ABCA4: variants seen among roughly 807,000 people sequenced by gnomAD.
The protein encoded by ABCA4 is ATP binding cassette subfamily A member 4.
A neutral mutation model predicts 263.7 loss-of-function variants in ABCA4; 196 were observed. The observed-to-expected ratio is 0.74, with a 90% CI of 0.66 to 0.84. The LOEUF (loss-of-function observed/expected upper bound fraction) is 0.84, where lower values mean the gene tolerates loss of function less well. Among genes scored for constraint, ABCA4 ranks in the 40% least tolerant of loss-of-function variants. ABCA4 has a pLI of 0.00. For synonymous variants in ABCA4, 1,133 were observed against 1,094.2 expected (o/e 1.04, Z -0.70); for missense variants, 2,792 against 2,855.1 (o/e 0.98, Z 0.50).
intron 4 of ABCA4, among the ~76,000 whole-genome samples, chr1:94,107,836 A>G (rs1557807988): frequency 6.6e-6 from 1 of 151,918 alleles, no homozygotes; most frequent in Non-Finnish European, 1.5e-5. Flanking sequence ...TAACCTTTTC[A>G]TCTTGTTCAT....
rs35998587 is a variant in ABCA4 at position 94,028,930 on chromosome 1, A to AACAAAAC, written c.4539+514_4539+515insGTTTTGT. 1.5e-4 allele frequency among the ~76,000 whole-genome samples: 16 copies of AACAAAAC among 108,032 alleles called. 2 individuals carry two copies. The highest frequency in any genetic ancestry group is 1.4e-3 in the South Asian group (5 of 3,506). The allele number at this position is 108,032 out of a possible 152,430, so 70.9% of individuals were successfully genotyped here. On this transcript the variant is annotated intron_variant, in intron 30 of 49. Coordinates refer to ENST00000370225, the MANE Select transcript of ABCA4 (RefSeq NM_000350.3). Reference sequence around the variant, plus strand: ...TCAAAAAAAAAAAAAAAAAAAAAAAAGAAATTCAAACAATGGGATAATATA... The same window carrying AACAAAAC: ...TCAAAAAAAAAAAAAAAAAAAAAAAAACAAAACGAAATTCAAACAATGGGATAATATA...
At chr1:94,111,363 C>A (rs766433374) in intron 3 of ABCA4, 75 bp downstream of exon 3, 34 of 1,567,138 alleles carry the variant, frequency 2.2e-5, no homozygotes, top group Non-Finnish European at 2.8e-5. Context: ...ATGCTCCGTG[C>A]ACGCACGTGT....
At chr1:93,995,317 G>A (rs1658969490) in intron 49 of ABCA4, among the ~76,000 whole-genome samples, 1 of 152,226 alleles carries the variant, frequency 6.6e-6, no homozygotes, top group Non-Finnish European at 1.5e-5. Flanking sequence ...GGGAAATAAG[G>A]TTTTTGCATA....
chr1:93,998,744 T>TTTATTTTATTTTATTTTATTTTATTTTAG (rs1553186213), intron 47 of ABCA4, among the ~76,000 whole-genome samples: 1 of 148,482 alleles, frequency 6.7e-6, no homozygotes, highest in African/African-American at 2.5e-5. Flanking sequence ...TTTATTTTAT[T>TTTATTTTATTTTATTTTATTTTATTTTAG]TTATTTTATT....
chr1:94,036,924 C>A, intron 25 of ABCA4, 136 bp from the exon 26 acceptor site: 1 of 970,372 alleles, frequency 1.0e-6, no homozygotes. Flanking sequence ...AGAACATCAT[C>A]TTCTATAAAT....
intron 26 of ABCA4, 89 bp downstream of exon 26, chr1:94,036,651 G>A (rs1660344081): frequency 2.1e-6 from 3 of 1,404,210 alleles, no homozygotes; most frequent in Non-Finnish European, 2.0e-6. Flanking sequence ...TTACAGGCAT[G>A]AGCCACTGTG....
At chr1:94,119,817 C>G (rs1323119147) in intron 1 of ABCA4, among the ~76,000 whole-genome samples, 1 of 152,136 alleles carries the variant, frequency 6.6e-6, no homozygotes, top group Non-Finnish European at 1.5e-5. Flanking sequence ...ATTCATAGGC[C>G]TTCACCTGTT....
At chr1:94,076,868 T>C (rs1490990406) in intron 11 of ABCA4, among the ~76,000 whole-genome samples, 1 of 151,958 alleles carries the variant, frequency 6.6e-6, no homozygotes, top group Admixed American at 6.6e-5. Flanking sequence ...AGTTGAGAGA[T>C]ATTTAGGAGG....
Position 94,037,291 on chromosome 1 carries a change from C to T in ABCA4, c.3667G>A (p.Glu1223Lys). The change falls in exon 25 of 50, where the codon GAG (glutamate) becomes AAG (lysine). Residue 1223 changes from glutamate to lysine, a missense_variant. Transcript: ENST00000370225. ...AAGATAAGTTCTTGACCAATGCACTCCACCAGCTTTGCCTCTGGAACATGG... is the reference window on the plus strand; with the variant it reads ...AAGATAAGTTCTTGACCAATGCACTTCACCAGCTTTGCCTCTGGAACATGG... ...LHHVPEAKLV[E>K]CIGQELIFLL... 6.2e-7 allele frequency: 1 copy of T among 1,614,236 alleles called. No homozygotes were observed. Among genetic ancestry groups the T allele is most frequent in the Non-Finnish European group, 8.5e-7 (1 of 1,180,046 alleles).
rs1417260669 is a variant in ABCA4, at chr1:94,021,716, TA to T, written c.4774-3del. On this transcript the variant is annotated splice_polypyrimidine_tract_variant and splice_region_variant and intron_variant, in intron 33 of 49. Coordinates refer to ENST00000370225, the MANE Select transcript of ABCA4 (RefSeq NM_000350.3). ...AGAGGCCTCTCTAGTGATAGGGCCC[TA>T]AAAACCATGTAAACAAACAAACAAG... 3 of 1,609,344 alleles carry T rather than the reference TA, an allele frequency of 1.9e-6. No individual in the cohort carries two copies. Among genetic ancestry groups the T allele is most frequent in the East Asian group, 4.5e-5 (2 of 44,086 alleles).
chr1:94,078,634 T>C lies in ABCA4; in HGVS notation c.1312A>G (p.Ile438Val), dbSNP rs745630457. ...GTGCTGTTGTCAAAGAAGTACCAGA[T>C]CTGGGGCCCTACTTCTTCCCAGGCT... ...VKAWEEVGPQ[I>V]WYFFDNSTQM... is the part of the protein sequence containing the mutation. Residue 438 changes from isoleucine to valine, a missense_variant, in exon 10 of 50, where the codon ATC becomes GTC. By Grantham distance (29) the Ile-to-Val change is conservative (BLOSUM62 3). Transcript: ENST00000370225. 6.8e-7 allele frequency: 1 copy of C among 1,475,096 alleles called. No individual in the cohort carries two copies. The highest frequency in any genetic ancestry group is 2.0e-5 in the Admixed American group (1 of 51,278). The allele number at this position is 1,475,096 out of a possible 1,614,324, so 91.4% of individuals were successfully genotyped here.
intron 2 of ABCA4, among the ~76,000 whole-genome samples, chr1:94,112,755 A>G (rs547610489): frequency 1.3e-5 from 2 of 152,358 alleles, no homozygotes; most frequent in Admixed American, 1.3e-4. Context: ...TGGTCCTAAC[A>G]CTGTACTCCA....
chr1:94,062,892 A>C (rs1172209444), intron 12 of ABCA4, 139 bp from the exon 13 acceptor site: 2 of 1,091,248 alleles, frequency 1.8e-6, no homozygotes, highest in African/African-American at 1.6e-5. Flanking sequence ...TCTATTTCCT[A>C]GTCCTCAGTT....
chr1:94,010,538 A>T (rs1225764291), intron 40 of ABCA4: 3 of 586,938 alleles, frequency 5.1e-6, no homozygotes, highest in Non-Finnish European at 3.1e-6. Context: ...TTTGGTAATT[A>T]AATGAGAAGG....
chr1:94,097,634 A>C (rs971955784), intron 6 of ABCA4, among the ~76,000 whole-genome samples: 1 of 152,236 alleles, frequency 6.6e-6, no homozygotes, highest in African/African-American at 2.4e-5. Context: ...GAATCGCCTA[A>C]GGTAACAGGA....
At chr1:94,033,302 T>C (rs568076978) in intron 26 of ABCA4, among the ~76,000 whole-genome samples, 74 of 151,646 alleles carry the variant, frequency 4.9e-4, no homozygotes, top group African/African-American at 1.7e-3. Context: ...CGTGTGCCTG[T>C]AGTCCCAGCT....
At chr1:94,046,280 T>TAAAAAAAAA (rs11289565) in intron 19 of ABCA4, among the ~76,000 whole-genome samples, 15 of 77,048 alleles carry the variant, frequency 1.9e-4, no homozygotes, top group African/African-American at 4.7e-4. Flanking sequence ...CTGTCTGTAC[T>TAAAAAAAAA]AAAAAAAAAA....
intron 33 of ABCA4, 51 bp downstream of exon 33, chr1:94,021,795 G>T (rs1240363558): frequency 1.2e-6 from 2 of 1,605,436 alleles, no homozygotes; most frequent in Middle Eastern, 1.7e-4. Context: ...CTCATTCATG[G>T]TAGTTAAGCA....
rs1660211252 is a variant in ABCA4 at position 94,031,770 on chromosome 1, A to G, written c.4128+8T>C. On this transcript the variant is annotated splice_region_variant and intron_variant, in intron 27 of 49. Transcript: ENST00000370225. ...TGAGCTCAGCTAAACACCGACCGAC[A>G]ATAGTACCTGCGCCAGGAAGTCCTT... is the stretch of plus-strand genomic sequence containing the variant. 2 of 1,613,344 alleles carry G rather than the reference A, an allele frequency of 1.2e-6. No homozygotes were observed. The highest frequency in any genetic ancestry group is 1.7e-6 in the Non-Finnish European group (2 of 1,180,032).
Sources: gnomAD v4.1 joint callset for allele counts (sites outside exome capture counted in the v4.1 genomes callset) on GRCh38, gnomAD v4.1.1 for gene constraint, MANE v1.5 for transcripts, NCBI Gene and HGNC (gene_info 2026-07-23, HGNC 2026-07-21) for gene names.